CLTCL1: variants seen among roughly 807,000 people sequenced by gnomAD.
CLTCL1 encodes the protein clathrin heavy chain 2.
Under a neutral mutation model 190.0 loss-of-function variants are expected in CLTCL1, and 159 were observed. The ratio of observed to expected loss-of-function variants is 0.84; its 90% CI spans 0.74 to 0.95. The LOEUF is 0.95. Ranked by LOEUF, CLTCL1 falls within the 40% of genes least tolerant of loss-of-function variation. The probability of loss-of-function intolerance (pLI) is 0.00; values close to 1 mark genes in which losing one functional copy is unlikely to be tolerated. For synonymous variants in CLTCL1, 752 were observed against 769.6 expected (o/e 0.98, Z 0.38); for missense variants, 1,878 against 2,033.4 (o/e 0.92, Z 1.47).
Position 19,201,320 on chromosome 22 carries a change from G to A in CLTCL1, c.3765+9C>T, listed in dbSNP as rs1484006021. ...CACACTCTGCCGTCTGCAGTTGCCC[G>A]CAGCTCACCTCCTTCCACGTCCGGG... On this transcript the variant is annotated intron_variant, in intron 23 of 32. Transcript: ENST00000427926. The A allele has an allele frequency of 3.7e-6, 6 of 1,604,534 alleles. No individual in the cohort carries two copies. The highest frequency in any genetic ancestry group is 2.0e-4 in the Middle Eastern group (1 of 5,000).
intron 26 of CLTCL1, among the ~76,000 whole-genome samples, chr22:19,195,362 C>T (rs947110): frequency 0.058 from 8,897 of 152,266 alleles, 331 homozygotes; most frequent in Middle Eastern, 0.16. Flanking sequence ...GGGCTTGTGG[C>T]CTGGTGCTCA....
Position 19,259,419 on chromosome 22 carries a change from A to T in CLTCL1, c.251-5192T>A, listed in dbSNP as rs562824414. Among the ~76,000 whole-genome samples, 25 of 152,308 alleles carry T rather than the reference A, an allele frequency of 1.6e-4. No homozygotes were observed. The East Asian group carries it at 4.6e-3, about 28-fold the overall frequency. ...TGTTTTGTGAACAACAACAACAAAA[A>T]AAATCAAAGGTTTGCGGCAATCTTC... On this transcript the variant is annotated intron_variant, in intron 2 of 32. Transcript: ENST00000427926.
intron 2 of CLTCL1, among the ~76,000 whole-genome samples, chr22:19,274,197 C>T (rs1285178777): frequency 6.6e-6 from 1 of 152,182 alleles, no homozygotes; most frequent in African/African-American, 2.4e-5. Context: ...TACAGTGGCT[C>T]ATGCCTATAA....
intron 24 of CLTCL1, among the ~76,000 whole-genome samples, chr22:19,197,142 G>A (rs2084736851): frequency 6.6e-6 from 1 of 152,158 alleles, no homozygotes; most frequent in South Asian, 2.1e-4. Context: ...GACAAGACCA[G>A]ACGTCTGGTT....
Position 19,275,677 on chromosome 22 carries a change from T to C in CLTCL1, c.196A>G (p.Ile66Val), listed in dbSNP as rs200374996. ...TTCATGATGGCACTCTCTGCAGAGATAGGCCGTCGGATCGGAGCCATTGGG... is the reference window on the plus strand; with the variant it reads ...TTCATGATGGCACTCTCTGCAGAGACAGGCCGTCGGATCGGAGCCATTGGG... ...SDPMAPIRRP[I>V]SAESAIMNPA... The change falls in exon 2 of 33, where the codon ATC (isoleucine) becomes GTC (valine). Residue 66 changes from isoleucine to valine, a missense_variant. Transcript: ENST00000427926. The C allele has an allele frequency of 1.0e-4, 166 of 1,606,856 alleles. No individual in the cohort carries two copies. The African/African-American group carries it at 1.6e-3, about 15-fold the overall frequency.
chr22:19,273,032 A>G lies in CLTCL1; in HGVS notation c.250+2591T>C, dbSNP rs993752906. 7.2e-5 allele frequency among the ~76,000 whole-genome samples: 11 copies of G among 152,150 alleles called. 1 individual carries two copies. The highest frequency in any genetic ancestry group is 7.2e-4 in the Admixed American group (11 of 15,272). On this transcript the variant is annotated intron_variant, in intron 2 of 32. Coordinates refer to ENST00000427926, the MANE Select transcript of CLTCL1 (RefSeq NM_007098.4). ...AGCCAAAATGGGAAAAATCTGTGAG[A>G]TACAAGGTGCAGCACCCCCCCACAC...
intron 21 of CLTCL1, 79 bp downstream of exon 21, chr22:19,208,843 A>G (rs2085130697): frequency 8.6e-7 from 1 of 1,169,110 alleles, no homozygotes; most frequent in African/African-American, 1.6e-5. Flanking sequence ...GAGATTTGTG[A>G]GAATCTCTTC....
chr22:19,275,768 G>C lies in CLTCL1; in HGVS notation c.105C>G (p.Asp35Glu). ...IGFSTLTMES[D>E]KFICIREKVG... ...CTTTCTCTCGGATACATATGAACTT[G>C]TCAGATTCCATGGTCAGTGTGCTGA... The change falls in exon 2 of 33, where the codon GAC (aspartate) becomes GAG (glutamate). Residue 35 changes from aspartate to glutamate, a missense_variant. Coordinates refer to ENST00000427926, the MANE Select transcript of CLTCL1 (RefSeq NM_007098.4). 6.2e-7 allele frequency: 1 copy of C among 1,610,006 alleles called. No individual in the cohort carries two copies. Among genetic ancestry groups the C allele is most frequent in the South Asian group, 1.1e-5 (1 of 89,948 alleles).
chr22:19,237,292 T>C (rs1442733387), intron 5 of CLTCL1, among the ~76,000 whole-genome samples: 1 of 151,894 alleles, frequency 6.6e-6, no homozygotes, highest in Non-Finnish European at 1.5e-5. Flanking sequence ...CTAGGCAACA[T>C]AGCAAGACCC....
chr22:19,229,392 A>G (rs1196678766), intron 11 of CLTCL1, among the ~76,000 whole-genome samples: 1 of 152,246 alleles, frequency 6.6e-6, no homozygotes, highest in Non-Finnish European at 1.5e-5. Context: ...AAGCCAAATT[A>G]ATAGAGACAG....
chr22:19,185,758 C>G (rs782600508), intron 29 of CLTCL1, among the ~76,000 whole-genome samples: 1 of 152,206 alleles, frequency 6.6e-6, no homozygotes, highest in Non-Finnish European at 1.5e-5. Context: ...TCATCACTGC[C>G]TGAGTGTTGA....
Position 19,275,827 on chromosome 22 carries a change from G to A in CLTCL1, c.46C>T (p.Gln16Ter). The change falls in exon 2 of 33, where the codon CAA becomes TAA. Residue 16 changes from glutamine (Q) to a stop codon, truncating the protein, a stop_gained. Coordinates refer to ENST00000427926, the MANE Select transcript of CLTCL1 (RefSeq NM_007098.4). LOFTEE classifies it high-confidence loss of function. ...TTAGCTGGATTAATTCCAAGGTTTTGGAGCTAAACAGAAAAAAAGCATTTG... is the reference window on the plus strand; with the variant it reads ...TTAGCTGGATTAATTCCAAGGTTTTAGAGCTAAACAGAAAAAAAGCATTTG... ...PVRFQEHFQL[Q>*]NLGINPANIG... 1 of 1,590,102 alleles carries A rather than the reference G, an allele frequency of 6.3e-7. No homozygotes were observed. The highest frequency in any genetic ancestry group is 8.6e-7 in the Non-Finnish European group (1 of 1,167,832).
At chr22:19,261,271 C>A (rs1464232095) in intron 2 of CLTCL1, among the ~76,000 whole-genome samples, 3 of 152,112 alleles carry the variant, frequency 2.0e-5, no homozygotes, top group Non-Finnish European at 4.4e-5. Context: ...CAACCATGCC[C>A]AGCTAATGTC....
chr22:19,240,485 G>C (rs1249097291), intron 4 of CLTCL1, among the ~76,000 whole-genome samples: 3 of 152,084 alleles, frequency 2.0e-5, no homozygotes, highest in Non-Finnish European at 4.4e-5. Flanking sequence ...GAGCAGCACT[G>C]AGAGCCGGGC....
chr22:19,235,139 G>C lies in CLTCL1; in HGVS notation c.970-433C>G, dbSNP rs368107371. 1.2e-4 allele frequency among the ~76,000 whole-genome samples: 18 copies of C among 151,752 alleles called. 1 individual carries two copies. The East Asian group carries it at 1.6e-3, about 13-fold the overall frequency. ...CCTGTCTCAGCCTTCCAAAGTGCTG[G>C]GATTATAGGAATCAGCCACTGTTCC... On this transcript the variant is annotated intron_variant, in intron 6 of 32. Transcript: ENST00000427926.
chr22:19,263,517 C>A (rs2518835), intron 2 of CLTCL1, among the ~76,000 whole-genome samples: 1 of 152,086 alleles, frequency 6.6e-6, no homozygotes, highest in African/African-American at 2.4e-5. Context: ...CGGGTTCACA[C>A]CATTCTCCGC....
intron 18 of CLTCL1, among the ~76,000 whole-genome samples, chr22:19,218,429 CA>C (rs1487774203): frequency 6.6e-6 from 1 of 152,094 alleles, no homozygotes; most frequent in East Asian, 1.9e-4. Context: ...CAAAGTATTT[CA>C]AAATAAAAAG....
chr22:19,213,191 T>C (rs942313833), intron 19 of CLTCL1, among the ~76,000 whole-genome samples: 3 of 152,158 alleles, frequency 2.0e-5, no homozygotes, highest in African/African-American at 7.2e-5. Context: ...CCAAAGAGGA[T>C]CTACGGATGG....
At chr22:19,238,291 T>C (rs1488581458) in intron 5 of CLTCL1, among the ~76,000 whole-genome samples, 1 of 152,300 alleles carries the variant, frequency 6.6e-6, no homozygotes, top group East Asian at 1.9e-4. Flanking sequence ...GGTTTCACCA[T>C]GTTGCCCAGG....
Sources: allele counts gnomAD v4.1 joint callset (sites outside exome capture counted in the v4.1 genomes callset), GRCh38; gene constraint gnomAD v4.1.1; transcripts MANE v1.5; gene names NCBI Gene and HGNC (gene_info 2026-07-23, HGNC 2026-07-21).